Variants in EPM2A observed in about 807,000 individuals in gnomAD.
EPM2A encodes the protein laforin.
EPM2A carries 21 observed loss-of-function variants against 26.5 expected under a neutral mutation model. The ratio of observed to expected loss-of-function variants is 0.79; its 90% CI spans 0.56 to 1.14. The LOEUF (loss-of-function observed/expected upper bound fraction) is 1.14, where lower values mean the gene tolerates loss of function less well. Among genes scored for constraint, EPM2A ranks in the 50% most tolerant of loss-of-function variants. The pLI is 0.00. For missense variants in EPM2A, 458 were observed against 440.8 expected (o/e 1.04, Z -0.35); for synonymous variants, 217 against 177.6 (o/e 1.22, Z -1.76).
At chr6:145,717,252 CA>C (rs1047093065) in intron 1 of EPM2A, among the ~76,000 whole-genome samples, 1 of 152,186 alleles carries the variant, frequency 6.6e-6, no homozygotes, top group African/African-American at 2.4e-5. Context: ...AGCAGCACAT[CA>C]AAAAGCTTAT....
intron 4 of EPM2A, among the ~76,000 whole-genome samples, chr6:145,460,608 T>C (rs1779317909): frequency 6.6e-6 from 1 of 152,040 alleles, no homozygotes; most frequent in Non-Finnish European, 1.5e-5. Flanking sequence ...CTCCCTTACT[T>C]CCTTCCTTCC....
intron 1 of EPM2A, 96 bp from the exon 2 acceptor site, chr6:145,686,392 A>T: frequency 1.0e-6 from 1 of 953,476 alleles, no homozygotes; most frequent in Non-Finnish European, 1.7e-6. Flanking sequence ...CAAGAAAAAA[A>T]TAAACATAAA....
At chr6:145,697,824 C>T (rs917521340) in intron 1 of EPM2A, among the ~76,000 whole-genome samples, 2 of 152,000 alleles carry the variant, frequency 1.3e-5, no homozygotes, top group African/African-American at 4.8e-5. Flanking sequence ...TTTCAAGGTG[C>T]CCAGATTTTA....
intron 1 of EPM2A, among the ~76,000 whole-genome samples, chr6:145,732,258 A>C (rs1271383714): frequency 6.7e-6 from 1 of 149,324 alleles, no homozygotes; most frequent in African/African-American, 2.5e-5. Flanking sequence ...TAAGGAAGGG[A>C]GAGGAATGTG....
At chr6:145,705,672 G>A in intron 1 of EPM2A, 1 of 417,772 alleles carries the variant, frequency 2.4e-6, no homozygotes, top group South Asian at 1.7e-5. Flanking sequence ...GACCATCAAG[G>A]CAATCCCTAT....
chr6:145,389,783 G>C (rs1778313237), intron 4 of EPM2A, among the ~76,000 whole-genome samples: 1 of 152,058 alleles, frequency 6.6e-6, no homozygotes, highest in African/African-American at 2.4e-5. Context: ...CCATCCTTGA[G>C]GTGTAGTCAC....
At chr6:145,539,007 C>G (rs1182352747) in intron 2 of EPM2A, among the ~76,000 whole-genome samples, 1 of 152,184 alleles carries the variant, frequency 6.6e-6, no homozygotes, top group Non-Finnish European at 1.5e-5. Flanking sequence ...AGAGGCCAGG[C>G]ACAGTTTTGT....
rs915981655 is a variant in EPM2A at position 145,484,665 on chromosome 6, A to G, written c.555+17857T>C. Among the ~76,000 whole-genome samples, 4 of 152,214 alleles carry G rather than the reference A, an allele frequency of 2.6e-5. No individual in the cohort carries two copies. The East Asian group carries it at 7.8e-4, about 30-fold the overall frequency. ...ACAGACATAAATCACTGGATTGTTC[A>G]GAGGATTAATAAAAACAAATATGCG... On this transcript the variant is annotated intron_variant, in intron 4 of 4. Coordinates refer to the EPM2A transcript ENST00000638717.
chr6:145,428,367 T>C (rs9497300), intron 4 of EPM2A, among the ~76,000 whole-genome samples: 7,911 of 152,270 alleles, frequency 0.052, 683 homozygotes, highest in African/African-American at 0.18. Context: ...TTTTATTTGC[T>C]TCTGTCACTG....
At chr6:145,403,833 C>T (rs536785806) in intron 4 of EPM2A, among the ~76,000 whole-genome samples, 7 of 152,130 alleles carry the variant, frequency 4.6e-5, no homozygotes, top group Admixed American at 2.0e-4. Flanking sequence ...TTTTGAGGAA[C>T]CTCCAAACTA....
At chr6:145,420,431 G>A (rs555888374) in intron 4 of EPM2A, among the ~76,000 whole-genome samples, 171 of 152,170 alleles carry the variant, frequency 1.1e-3, no homozygotes, top group African/African-American at 3.9e-3. Context: ...ATATAATTAT[G>A]GATGTAACTT....
intron 2 of EPM2A, among the ~76,000 whole-genome samples, chr6:145,567,258 T>G (rs1203110257): frequency 1.3e-5 from 2 of 152,206 alleles, no homozygotes; most frequent in Non-Finnish European, 2.9e-5. Flanking sequence ...AAGTTCTTCC[T>G]TAAGAACTGT....
chr6:145,445,682 T>C (rs1254773298), intron 4 of EPM2A, among the ~76,000 whole-genome samples: 1 of 150,046 alleles, frequency 6.7e-6, no homozygotes, highest in African/African-American at 2.5e-5. Context: ...TGTTTGTTTG[T>C]TTTTTTGGAG....
At chr6:145,519,573 A>G (rs1322081114) in intron 2 of EPM2A, among the ~76,000 whole-genome samples, 1 of 152,198 alleles carries the variant, frequency 6.6e-6, no homozygotes, top group Non-Finnish European at 1.5e-5. Flanking sequence ...CTGTATAGGA[A>G]AAAAGAGAAG....
intron 4 of EPM2A, among the ~76,000 whole-genome samples, chr6:145,465,257 C>T (rs1046686105): frequency 1.3e-5 from 2 of 151,974 alleles, no homozygotes; most frequent in African/African-American, 4.8e-5. Flanking sequence ...TCCAGTTGAT[C>T]GCATCGGCTC....
chr6:145,448,991 A>G (rs182901210), intron 4 of EPM2A, among the ~76,000 whole-genome samples: 2 of 152,242 alleles, frequency 1.3e-5, no homozygotes, highest in Admixed American at 6.5e-5. Flanking sequence ...CAAAGCTTTG[A>G]GGGCTAGGGA....
intron 4 of EPM2A, chr6:145,491,148 G>A (rs1779749238): frequency 1.8e-6 from 1 of 545,080 alleles, no homozygotes. Context: ...ATGGAGCTGA[G>A]TTTTCTTTGT....
intron 4 of EPM2A, among the ~76,000 whole-genome samples, chr6:145,396,764 G>A (rs1040190903): frequency 6.6e-6 from 1 of 152,162 alleles, no homozygotes; most frequent in Non-Finnish European, 1.5e-5. Flanking sequence ...ATGTAAATAT[G>A]TTCTTGTAGT....
At position 145,465,584 on chromosome 6, in the gene EPM2A, C is replaced by T. The variant is rs1392129258; in HGVS notation, c.555+36938G>A. 1.5e-4 allele frequency among the ~76,000 whole-genome samples: 22 copies of T among 151,152 alleles called. No individual in the cohort carries two copies. The East Asian group carries it at 4.1e-3, about 28-fold the overall frequency. On this transcript the variant is annotated intron_variant, in intron 4 of 4. Coordinates refer to the EPM2A transcript ENST00000638717. ...TTCCAGTTTTTCTGCTCTGTTTTTT[C>T]CCCATCTTTGTGGTTTTATCTACTT...
Sources: gnomAD v4.1 joint callset for allele counts (sites outside exome capture counted in the v4.1 genomes callset) on GRCh38, gnomAD v4.1.1 for gene constraint, MANE v1.5 for transcripts, NCBI Gene and HGNC (gene_info 2026-07-23, HGNC 2026-07-21) for gene names.